Variants in MVB12B observed in about 807,000 individuals in gnomAD.
MVB12B encodes the protein multivesicular body subunit 12B.
MVB12B carries 16 observed loss-of-function variants against 41.6 expected under a neutral mutation model. The observed-to-expected ratio is 0.38, with a 90% CI of 0.26 to 0.58. The LOEUF (loss-of-function observed/expected upper bound fraction) is 0.58. Ranked by LOEUF, MVB12B falls within the 20% of genes least tolerant of loss-of-function variation. The pLI, the probability that MVB12B is intolerant of heterozygous loss-of-function variation, is 0.62. For synonymous variants in MVB12B, 133 were observed against 139.7 expected (o/e 0.95, Z 0.34); for missense variants, 274 against 380.2 (o/e 0.72, Z 2.32).
intron 7 of MVB12B, among the ~76,000 whole-genome samples, chr9:126,472,610 G>C (rs763473315): frequency 3.3e-5 from 5 of 152,122 alleles, no homozygotes; most frequent in Non-Finnish European, 7.4e-5. Flanking sequence ...TGTAGTGCCT[G>C]ATTGTAAAAA....
intron 7 of MVB12B, among the ~76,000 whole-genome samples, chr9:126,442,841 C>T (rs886663226): frequency 2.8e-4 from 42 of 152,260 alleles, no homozygotes; most frequent in African/African-American, 8.9e-4. Context: ...GCCTTTCACA[C>T]GGCAGTGGGC....
At chr9:126,442,366 A>T (rs986673628) in intron 7 of MVB12B, among the ~76,000 whole-genome samples, 16 of 152,126 alleles carry the variant, frequency 1.1e-4, no homozygotes, top group African/African-American at 3.6e-4. Flanking sequence ...GGTGGGGTGG[A>T]TTTTAGAGTA....
rs770887299 is a variant in MVB12B at position 126,388,350 on chromosome 9, G to A, written c.409+1692G>A. On this transcript the variant is annotated intron_variant, in intron 4 of 9. Coordinates refer to ENST00000361171, the MANE Select transcript of MVB12B (RefSeq NM_033446.3). ...CATACTGTTTTCAAGGTTGGCCCACGTTGTAGGATAGATCATTACTTCATT... is the reference window on the plus strand; with the variant it reads ...CATACTGTTTTCAAGGTTGGCCCACATTGTAGGATAGATCATTACTTCATT... Among the ~76,000 whole-genome samples, 22 of 152,162 alleles carry A rather than the reference G, an allele frequency of 1.4e-4. No individual in the cohort carries two copies. The South Asian group carries it at 1.4e-3, about 10-fold the overall frequency.
intron 7 of MVB12B, among the ~76,000 whole-genome samples, chr9:126,470,631 G>A (rs925196395): frequency 7.1e-5 from 10 of 141,732 alleles, no homozygotes; most frequent in African/African-American, 2.6e-4. Flanking sequence ...GGGGAGCCTA[G>A]GAGGAGTCAG....
intron 1 of MVB12B, among the ~76,000 whole-genome samples, chr9:126,336,093 CCCCTG>C (rs1350907065): frequency 6.6e-6 from 1 of 152,250 alleles, no homozygotes. Context: ...CGCCCCCTGC[CCCCTG>C]CAGTTGTTGC....
intron 9 of MVB12B, among the ~76,000 whole-genome samples, chr9:126,490,659 A>T (rs947969206): frequency 5.3e-5 from 8 of 152,360 alleles, no homozygotes; most frequent in Middle Eastern, 6.8e-3. Flanking sequence ...TAGTAAAGGG[A>T]TGCTCTAATA....
At chr9:126,444,662 GC>G (rs1166251749) in intron 7 of MVB12B, among the ~76,000 whole-genome samples, 10 of 151,748 alleles carry the variant, frequency 6.6e-5, no homozygotes, top group African/African-American at 2.4e-4. Flanking sequence ...TTGTGTCTTT[GC>G]CATCACGTTT....
rs1197222217 is a variant in MVB12B, at chr9:126,441,672, G to A, written c.757+19724G>A. Among the ~76,000 whole-genome samples the A allele has an allele frequency of 2.0e-5, 3 of 152,164 alleles. No homozygotes were observed. In the South Asian group the frequency reaches 6.2e-4, roughly 32 times the overall value. On this transcript the variant is annotated intron_variant, in intron 7 of 9. Coordinates refer to ENST00000361171, the MANE Select transcript of MVB12B (RefSeq NM_033446.3). ...TAGTTAATTAGCATCTGGAAATGAG[G>A]ATTATCTTAATTACAAAGCACAATT...
chr9:126,500,170 C>A (rs560558763), intron 9 of MVB12B, among the ~76,000 whole-genome samples: 3 of 152,024 alleles, frequency 2.0e-5, no homozygotes, highest in African/African-American at 7.2e-5. Flanking sequence ...CTCCCTGCCA[C>A]CCCCAGGAAC....
intron 6 of MVB12B, among the ~76,000 whole-genome samples, chr9:126,414,356 C>T (rs1032527250): frequency 1.4e-4 from 22 of 152,184 alleles, no homozygotes; most frequent in Non-Finnish European, 2.9e-4. Context: ...TGCAGAGAGA[C>T]GTGATGGCCA....
intron 6 of MVB12B, chr9:126,396,571 GC>G: frequency 1.0e-6 from 1 of 985,470 alleles, no homozygotes; most frequent in Non-Finnish European, 1.2e-6. Context: ...CCACAATACA[GC>G]CTGCCCTCCG....
rs376756912 is a variant in MVB12B at position 126,367,905 on chromosome 9, G to A, written c.205-13159G>A. ...CCTGGGAGCCATCCTCGGAGGGAGG[G>A]GAGGGAGTGCCTGACATATCATAAA... is the stretch of plus-strand genomic sequence containing the variant. On this transcript the variant is annotated intron_variant, in intron 2 of 9. Coordinates refer to ENST00000361171, the MANE Select transcript of MVB12B (RefSeq NM_033446.3). This position sits in a 1 kb window ranked among gnomAD's most constrained non-coding sequence, Gnocchi z 4.3. Among the ~76,000 whole-genome samples, 21 of 152,320 alleles carry A rather than the reference G, an allele frequency of 1.4e-4. No homozygotes were observed. The highest frequency in any genetic ancestry group is 4.8e-4 in the African/African-American group (20 of 41,560).
At chr9:126,412,168 C>T (rs913122279) in intron 6 of MVB12B, among the ~76,000 whole-genome samples, 1 of 152,192 alleles carries the variant, frequency 6.6e-6, no homozygotes, top group African/African-American at 2.4e-5. Flanking sequence ...CAAAGGTCCC[C>T]TTCTCTGTGA....
At chr9:126,493,682 A>C (rs1046831618) in intron 9 of MVB12B, among the ~76,000 whole-genome samples, 2 of 152,228 alleles carry the variant, frequency 1.3e-5, no homozygotes, top group African/African-American at 4.8e-5. Context: ...TGCCTCTTGT[A>C]AGCCCAGGTC....
chr9:126,476,592 A>C (rs1374655231), intron 7 of MVB12B, among the ~76,000 whole-genome samples: 1 of 152,158 alleles, frequency 6.6e-6, no homozygotes, highest in Non-Finnish European at 1.5e-5. Context: ...AAAATGTAGA[A>C]TCTGCCGGTC....
In MVB12B at chr9:126,376,420, C is replaced by T; in HGVS notation, c.205-4644C>T. 1.0e-6 allele frequency: 1 copy of T among 994,120 alleles called. No homozygotes were observed. The highest frequency in any genetic ancestry group is 1.4e-6 in the Non-Finnish European group (1 of 720,672). 61.6% of individuals were successfully genotyped at this position (994,120 alleles called of 1,614,324 possible). A position where few individuals can be genotyped will look rare whatever the true frequency, so the allele number is the denominator to read the frequency against. On this transcript the variant is annotated intron_variant, in intron 2 of 9. Coordinates refer to ENST00000361171, the MANE Select transcript of MVB12B (RefSeq NM_033446.3). This position sits in a 1 kb window ranked among gnomAD's most constrained non-coding sequence, Gnocchi z 4.1. ...TGAGCCTGTCCCCAGTGCCTGGTGA[C>T]CCTTTGTTGTGGGTTGGGATTTAAG...
chr9:126,458,573 A>G (rs1968143), intron 7 of MVB12B, among the ~76,000 whole-genome samples: 134,464 of 152,162 alleles, frequency 0.88, 59,518 homozygotes, highest in East Asian at 1. Context: ...AACAGGCGCC[A>G]GGTCTCCTGT....
intron 7 of MVB12B, among the ~76,000 whole-genome samples, chr9:126,471,309 C>A (rs1833310791): frequency 6.6e-6 from 1 of 152,128 alleles, no homozygotes. Flanking sequence ...AGTGACTTGC[C>A]CAAAGCCATA....
intron 9 of MVB12B, among the ~76,000 whole-genome samples, chr9:126,488,119 T>G (rs1833658081): frequency 6.6e-6 from 1 of 152,118 alleles, no homozygotes; most frequent in South Asian, 2.1e-4. Flanking sequence ...AGTTGGGGGC[T>G]CAGGGAGAAG....
Sources: gnomAD v4.1 joint callset for allele counts (sites outside exome capture counted in the v4.1 genomes callset) on GRCh38, gnomAD v4.1.1 for gene constraint, Gnocchi (gnomAD v3.1) non-coding constraint, MANE v1.5 for transcripts, NCBI Gene and HGNC (gene_info 2026-07-23, HGNC 2026-07-21) for gene names.